The following TSGA13 variants were observed in gnomAD, a reference collection of about 807,000 sequenced individuals.
The protein encoded by TSGA13 is testis-specific gene 13 protein.
Under a neutral mutation model 35.1 loss-of-function variants are expected in TSGA13, and 37 were observed. That is an observed-to-expected ratio of 1.05 (90% CI 0.81 to 1.39). The LOEUF (loss-of-function observed/expected upper bound fraction) is 1.39. Among genes scored for constraint, TSGA13 ranks in the 40% most tolerant of loss-of-function variants. The pLI is 0.00. For synonymous variants in TSGA13, 124 were observed against 121.2 expected, an observed-to-expected ratio of 1.02 and a Z score of -0.15; for missense variants, 338 against 328.5, an observed-to-expected ratio of 1.03 and a Z score of -0.22.
chr7:130,680,826 A>G, intron 4 of TSGA13, 120 bp downstream of exon 4: 1 of 903,254 alleles, frequency 1.1e-6, no homozygotes, highest in Admixed American at 2.0e-5. Context: ...CTGTCCTAAG[A>G]GTACGCACAG....
intron 2 of TSGA13, 70 bp downstream of exon 2, chr7:130,685,118 G>T: frequency 6.8e-7 from 1 of 1,460,128 alleles, no homozygotes; most frequent in Non-Finnish European, 9.6e-7. Flanking sequence ...CATTCAACGT[G>T]CTGTGGGCTA....
intron 5 of TSGA13, among the ~76,000 whole-genome samples, chr7:130,676,892 G>T (rs1554464185): frequency 3.3e-5 from 5 of 150,668 alleles, no homozygotes; most frequent in African/African-American, 4.9e-5. Context: ...TTTAGATTTT[G>T]ATTCTTTTTT....
chr7:130,669,309 G>A, intron 7 of TSGA13, 126 bp from the exon 8 acceptor site: 1 of 1,159,368 alleles, frequency 8.6e-7, no homozygotes, highest in Non-Finnish European at 1.2e-6. Flanking sequence ...GGTAGATTTT[G>A]GACCGTGTAA....
chr7:130,685,943 G>A (rs150430444), intron 1 of TSGA13, among the ~76,000 whole-genome samples: 6 of 152,288 alleles, frequency 3.9e-5, no homozygotes, highest in Admixed American at 6.5e-5. Flanking sequence ...GCAGAACCTC[G>A]CAGGATAGTG....
In TSGA13 at chr7:130,681,177, G is replaced by A. The variant is rs1440406717; in HGVS notation, c.103-160C>T. Among the ~76,000 whole-genome samples the A allele has an allele frequency of 3.3e-5, 5 of 152,106 alleles. No homozygotes were observed. In the South Asian group the frequency reaches 8.3e-4, roughly 25 times the overall value. ...AAGTGCTTCAGATTTTGTACTCTAG[G>A]TTTCTGGAACAAGGGCCCCAGCAAG... On this transcript the variant is annotated intron_variant, in intron 3 of 7. Coordinates refer to ENST00000356588, the MANE Select transcript of TSGA13 (RefSeq NM_052933.4).
rs1049252391 is a variant in TSGA13 at position 130,668,833 on chromosome 7, C to T, written c.*181G>A. On this transcript the variant is annotated 3_prime_UTR_variant, in exon 8 of 8. Coordinates refer to ENST00000356588, the MANE Select transcript of TSGA13 (RefSeq NM_052933.4). The stretch of plus-strand genomic sequence containing the variant: ...GCCCTCCCCGGCCGCCCTCGGCCCC[C>T]GGGACGCAGCCACGCCCCCTTCTCC... 31 of 1,277,638 alleles carry T rather than the reference C, an allele frequency of 2.4e-5. No homozygotes were observed. The East Asian group carries it at 4.1e-4, about 17-fold the overall frequency. 79.1% of individuals were successfully genotyped at this position (1,277,638 alleles called of 1,614,324 possible).
At chr7:130,674,744 G>A (rs1404228571) in intron 5 of TSGA13, among the ~76,000 whole-genome samples, 2 of 152,130 alleles carry the variant, frequency 1.3e-5, no homozygotes, top group African/African-American at 4.8e-5. Context: ...AACATATTGA[G>A]CTTTTGCTAT....
chr7:130,672,769 C>A lies in TSGA13; in HGVS notation c.495G>T (p.Ser165=), dbSNP rs782786702. 1 of 1,613,886 alleles carries A rather than the reference C, an allele frequency of 6.2e-7. No homozygotes were observed. Among genetic ancestry groups the A allele is most frequent in the South Asian group, 1.1e-5 (1 of 91,046 alleles). Residue 165 remains serine (S), a synonymous_variant, in exon 6 of 8, where the codon TCG becomes TCT. Coordinates refer to ENST00000356588, the MANE Select transcript of TSGA13 (RefSeq NM_052933.4). ...KLKPIFPLIL[S]DDPTSKREQW... ...GTTCTCGCTTGGATGTGGGATCATC[C>A]GACAGTATCAAAGGGAAGATTGGTT...
chr7:130,680,371 T>TG (rs1206422452), intron 4 of TSGA13, among the ~76,000 whole-genome samples: 6 of 151,572 alleles, frequency 4.0e-5, no homozygotes, highest in African/African-American at 1.5e-4. Context: ...CCAGGCGTAG[T>TG]GGGGGGCGCC....
intron 1 of TSGA13, 101 bp from the exon 2 acceptor site, chr7:130,685,461 A>G: frequency 4.3e-6 from 5 of 1,153,076 alleles, no homozygotes; most frequent in Non-Finnish European, 5.6e-6. Flanking sequence ...TTATTTCACA[A>G]ACGGGGGAGG....
At position 130,676,466 on chromosome 7, in the gene TSGA13, T is replaced by C. The variant is rs113892226; in HGVS notation, c.387+2689A>G. Among the ~76,000 whole-genome samples, 1,061 of 152,356 alleles carry C rather than the reference T, an allele frequency of 7.0e-3. 13 individuals are homozygous for C. The highest frequency in any genetic ancestry group is 0.024 in the African/African-American group (1,005 of 41,588). ...CCACACCCAGTTTACATGATAGCTT[T>C]GTATTTCCTTCTGCGCATTAAGCAG... On this transcript the variant is annotated intron_variant, in intron 5 of 7. Coordinates refer to ENST00000356588, the MANE Select transcript of TSGA13 (RefSeq NM_052933.4).
intron 6 of TSGA13, 107 bp from the exon 7 acceptor site, chr7:130,671,895 A>G (rs1457360780): frequency 1.7e-5 from 12 of 724,094 alleles, no homozygotes; most frequent in Non-Finnish European, 2.0e-5. Context: ...ATTTTATTTT[A>G]TGTATTTATT....
intron 5 of TSGA13, among the ~76,000 whole-genome samples, chr7:130,676,217 G>A (rs569430485): frequency 6.6e-6 from 1 of 152,318 alleles, no homozygotes; most frequent in Admixed American, 6.5e-5. Context: ...AAAGGATGCT[G>A]CATGAATATT....
At chr7:130,671,501 T>C (rs1554462943) in intron 7 of TSGA13, among the ~76,000 whole-genome samples, 160 bp downstream of exon 7, 1 of 152,226 alleles carries the variant, frequency 6.6e-6, no homozygotes, top group Admixed American at 6.5e-5. Flanking sequence ...TTTGCACCTT[T>C]TGAGCCTCTA....
intron 4 of TSGA13, among the ~76,000 whole-genome samples, chr7:130,679,698 T>C (rs1796499608): frequency 6.6e-6 from 1 of 152,110 alleles, no homozygotes; most frequent in African/African-American, 2.4e-5. Flanking sequence ...TTTTCTGTTT[T>C]TGTTTTGTAG....
chr7:130,671,634 C>T, intron 7 of TSGA13, 27 bp downstream of exon 7: 1 of 1,544,370 alleles, frequency 6.5e-7, no homozygotes, highest in Non-Finnish European at 8.8e-7. Flanking sequence ...GTCCAGTAAG[C>T]CTTTGCTTTG....
Position 130,668,702 on chromosome 7 carries a change from A to G in TSGA13, c.*312T>C. 6.6e-7 allele frequency: 1 copy of G among 1,518,492 alleles called. No individual in the cohort carries two copies. Among genetic ancestry groups the G allele is most frequent in the Non-Finnish European group, 8.8e-7 (1 of 1,133,710 alleles). The allele number at this position is 1,518,492 out of a possible 1,614,324, so 94.1% of individuals were successfully genotyped here. On this transcript the variant is annotated 3_prime_UTR_variant, in exon 8 of 8. Transcript: ENST00000356588. The stretch of plus-strand genomic sequence containing the variant: ...ACTTCCCAGCGCCCAGACCCACCGC[A>G]ACCGTCCCAGGCGCCGCAGCCGGCG...
At chr7:130,680,738 C>T (rs1177304094) in intron 4 of TSGA13, among the ~76,000 whole-genome samples, 12 of 152,122 alleles carry the variant, frequency 7.9e-5, no homozygotes, top group Admixed American at 7.2e-4. Context: ...ACTTTCTTCC[C>T]AGTTCTCATC....
intron 3 of TSGA13, among the ~76,000 whole-genome samples, chr7:130,682,363 G>A (rs565932736): frequency 3.3e-5 from 5 of 152,020 alleles, no homozygotes; most frequent in South Asian, 2.1e-4. Flanking sequence ...CCAGTGATCC[G>A]CCCACCTTGG....
Sources: allele counts gnomAD v4.1 joint callset (sites outside exome capture counted in the v4.1 genomes callset), GRCh38; gene constraint gnomAD v4.1.1; transcripts MANE v1.5; gene names NCBI Gene and HGNC (gene_info 2026-07-23, HGNC 2026-07-21).